Variants in PCDHGA3 observed in about 807,000 individuals in gnomAD.
PCDHGA3 encodes protocadherin gamma-A3.
A neutral mutation model predicts 58.5 loss-of-function variants in PCDHGA3; 40 were observed. The ratio of observed to expected loss-of-function variants is 0.68; its 90% CI spans 0.53 to 0.89. PCDHGA3 has a LOEUF of 0.89. PCDHGA3 is among the 40% of genes least tolerant of loss of function. The probability of loss-of-function intolerance (pLI) is 0.00; values close to 1 mark genes in which losing one functional copy is unlikely to be tolerated. For missense variants in PCDHGA3, 1,223 were observed against 1,195.9 expected (o/e 1.02, Z -0.33); for synonymous variants, 530 against 525.7 (o/e 1.01, Z -0.11).
At chr5:141,370,696 C>T in intron 1 of PCDHGA3, 2 of 1,613,694 alleles carry the variant, frequency 1.2e-6, no homozygotes, top group Non-Finnish European at 1.7e-6. Context: ...AAGAAGTCGA[C>T]GTGTGTTCTG....
In PCDHGA3 at chr5:141,407,982, G is replaced by C. The variant is rs976187867; in HGVS notation, c.2424+61525G>C. On this transcript the variant is annotated intron_variant, in intron 1 of 3. Coordinates refer to ENST00000253812, the MANE Select transcript of PCDHGA3 (RefSeq NM_018916.4). Reference sequence around the variant, plus strand: ...GAGCAAGCGCTGACGCCGGGGATCCGTCAGCCTCTGGCCTGGGATTCCCTG... The same window carrying C: ...GAGCAAGCGCTGACGCCGGGGATCCCTCAGCCTCTGGCCTGGGATTCCCTG... 1.5e-4 allele frequency: 114 copies of C among 783,006 alleles called. 1 individual carries two copies. Among genetic ancestry groups the C allele is most frequent in the African/African-American group, 9.1e-4 (52 of 57,436 alleles). The allele number at this position is 783,006 out of a possible 1,614,324, so 48.5% of individuals were successfully genotyped here.
At position 141,366,840 on chromosome 5, in the gene PCDHGA3, T is replaced by C. The variant is rs1006582691; in HGVS notation, c.2424+20383T>C. Reference sequence around the variant, plus strand: ...TGTCATATTCAGAATCAGCTAGTTATGTAAATAGTGGAACATTATTTGCTG... The same window carrying C: ...TGTCATATTCAGAATCAGCTAGTTACGTAAATAGTGGAACATTATTTGCTG... On this transcript the variant is annotated intron_variant, in intron 1 of 3. Coordinates refer to ENST00000253812, the MANE Select transcript of PCDHGA3 (RefSeq NM_018916.4). The C allele has an allele frequency of 1.2e-5, 18 of 1,493,738 alleles. No homozygotes were observed. The East Asian group carries it at 1.4e-4, about 11-fold the overall frequency. 92.5% of individuals were successfully genotyped at this position (1,493,738 alleles called of 1,614,324 possible). A position where few individuals can be genotyped will look rare whatever the true frequency, so the allele number is the denominator to read the frequency against.
chr5:141,393,874 G>C, intron 1 of PCDHGA3: 1 of 1,613,944 alleles, frequency 6.2e-7, no homozygotes. Context: ...TCTTTGTTTA[G>C]CCCAGTGTTA....
rs1236013576 is a variant in PCDHGA3 at position 141,375,392 on chromosome 5, A to G, written c.2424+28935A>G. On this transcript the variant is annotated intron_variant, in intron 1 of 3. Transcript: ENST00000253812. ...AACACCACCTCTGTCTACAGAAACA[A>G]TCATCTCTCTAAATGTGGCAGACAC... 33 of 1,613,850 alleles carry G rather than the reference A, an allele frequency of 2.0e-5. 1 individual carries two copies. Among genetic ancestry groups the G allele is most frequent in the African/African-American group, 4.0e-5 (3 of 74,932 alleles).
rs766865642 is a variant in PCDHGA3, at chr5:141,400,084, A to G, written c.2424+53627A>G. 34 of 1,613,852 alleles carry G rather than the reference A, an allele frequency of 2.1e-5. No homozygotes were observed. The highest frequency in any genetic ancestry group is 2.0e-4 in the Admixed American group (12 of 60,006). On this transcript the variant is annotated intron_variant, in intron 1 of 3. Transcript: ENST00000253812. The stretch of plus-strand genomic sequence containing the variant: ...TGGTGGACAGCCGCCACTCTCCGCC[A>G]CCGCCACGCTGCACTTGGTCTTTGC...
At chr5:141,414,400 G>C (rs768269499) in intron 1 of PCDHGA3, 1 of 1,613,878 alleles carries the variant, frequency 6.2e-7, no homozygotes, top group Admixed American at 1.7e-5. Context: ...TTACAGATTG[G>C]TGATACACAG....
At chr5:141,375,623 C>G in intron 1 of PCDHGA3, 5 of 1,614,244 alleles carry the variant, frequency 3.1e-6, no homozygotes, top group Non-Finnish European at 3.4e-6. Flanking sequence ...CACTGGGATT[C>G]TGTACGCCCT....
rs376892761 is a variant in PCDHGA3, at chr5:141,375,904, C to T, written c.2424+29447C>T. On this transcript the variant is annotated intron_variant, in intron 1 of 3. Transcript: ENST00000253812. ...GCCAGAACGCCTGGCTGTCCTACCG[C>T]CTGCTCAAGGCCAGCGAGCCAGGAC... The T allele has an allele frequency of 2.5e-5, 41 of 1,613,756 alleles. No homozygotes were observed. In the South Asian group the frequency reaches 2.6e-4, roughly 10 times the overall value.
intron 1 of PCDHGA3, chr5:141,365,799 C>A: frequency 1.2e-6 from 2 of 1,613,942 alleles, no homozygotes; most frequent in South Asian, 1.1e-5. Context: ...GTCACCTACT[C>A]CCTGGCTGAA....
At chr5:141,500,929 C>T (rs1347340945) in intron 2 of PCDHGA3, among the ~76,000 whole-genome samples, 2 of 151,210 alleles carry the variant, frequency 1.3e-5, no homozygotes, top group South Asian at 2.1e-4. Flanking sequence ...GGTGCAGTGG[C>T]GCCATCTCGG....
rs770468191 is a variant in PCDHGA3, at chr5:141,478,296, A to G, written c.2425-16511A>G. On this transcript the variant is annotated intron_variant, in intron 1 of 3. Coordinates refer to ENST00000253812, the MANE Select transcript of PCDHGA3 (RefSeq NM_018916.4). ...AAGTGGAAGCAGTCTAGAGACCTAT[A>G]CCGAGCCCCGGTGAGCTCACTGTAC... is the stretch of plus-strand genomic sequence containing the variant. The G allele has an allele frequency of 9.3e-6, 15 of 1,613,962 alleles. No individual in the cohort carries two copies. Among genetic ancestry groups the G allele is most frequent in the African/African-American group, 6.7e-5 (5 of 74,930 alleles).
chr5:141,486,405 G>A lies in PCDHGA3; in HGVS notation c.2425-8402G>A. 6.2e-7 allele frequency: 1 copy of A among 1,614,114 alleles called. No homozygotes were observed. The highest frequency in any genetic ancestry group is 2.2e-5 in the East Asian group (1 of 44,862). On this transcript the variant is annotated intron_variant, in intron 1 of 3. Transcript: ENST00000253812. The surrounding 1 kb of genome is among the most constrained non-coding windows in gnomAD (Gnocchi z 5.0). ...AACCAGTTCTCCCTGGTGACTGCTG[G>A]ACCCTTGGATCGAGAGGCCAAATCT...
At chr5:141,362,532 T>C in intron 1 of PCDHGA3, 1 of 1,613,846 alleles carries the variant, frequency 6.2e-7, no homozygotes, top group Non-Finnish European at 8.5e-7. Flanking sequence ...CTGGGGTCCC[T>C]TTTGCCTCAG....
In PCDHGA3 at chr5:141,414,653, A is replaced by G. The variant is rs2095771118; in HGVS notation, c.2424+68196A>G. ...AGCAAAGAGAATGCCCAGATTATTT[A>G]CTCCCTGGCTGAAGACACCATCCAG... On this transcript the variant is annotated intron_variant, in intron 1 of 3. Coordinates refer to ENST00000253812, the MANE Select transcript of PCDHGA3 (RefSeq NM_018916.4). 6.2e-7 allele frequency: 1 copy of G among 1,613,644 alleles called. No homozygotes were observed.
intron 1 of PCDHGA3, chr5:141,356,815 G>C: frequency 6.2e-7 from 1 of 1,614,066 alleles, no homozygotes; most frequent in Non-Finnish European, 8.5e-7. Flanking sequence ...TGACAGTGGA[G>C]ACCCTCCACT....
At chr5:141,501,837 G>C (rs2099811299) in intron 2 of PCDHGA3, among the ~76,000 whole-genome samples, 1 of 152,018 alleles carries the variant, frequency 6.6e-6, no homozygotes, top group Admixed American at 6.5e-5. Flanking sequence ...CCACCTGTTT[G>C]GCCCTCAACC....
At chr5:141,445,109 T>C (rs571834974) in intron 1 of PCDHGA3, among the ~76,000 whole-genome samples, 23 of 152,246 alleles carry the variant, frequency 1.5e-4, no homozygotes, top group Non-Finnish European at 2.8e-4. Flanking sequence ...TCTAATGTTA[T>C]TGTAAATAGT....
Position 141,414,697 on chromosome 5 carries a change from T to A in PCDHGA3, c.2424+68240T>A, listed in dbSNP as rs748722995. The A allele has an allele frequency of 9.3e-6, 15 of 1,614,036 alleles. No homozygotes were observed. Among genetic ancestry groups the A allele is most frequent in the Non-Finnish European group, 1.3e-5 (15 of 1,179,930 alleles). ...CATCCAGGGGGTACCTCTGTCCTCA[T>A]ACATATCCATCAACTCAGACACTGG... is the stretch of plus-strand genomic sequence containing the variant. On this transcript the variant is annotated intron_variant, in intron 1 of 3. Transcript: ENST00000253812.
chr5:141,447,481 A>G lies in PCDHGA3; in HGVS notation c.2425-47326A>G, dbSNP rs141192758. 3.9e-3 allele frequency among the ~76,000 whole-genome samples: 591 copies of G among 152,326 alleles called. 6 individuals carry two copies. The highest frequency in any genetic ancestry group is 0.011 in the Admixed American group (170 of 15,286). ...TTTTCTTCACCATCTGTAAAACTGC[A>G]TAGAAGGAATGTTTAGGATAAAAGA... On this transcript the variant is annotated intron_variant, in intron 1 of 3. Transcript: ENST00000253812.
Sources: gnomAD v4.1 joint callset for allele counts (sites outside exome capture counted in the v4.1 genomes callset) on GRCh38, gnomAD v4.1.1 for gene constraint, Gnocchi (gnomAD v3.1) non-coding constraint, MANE v1.5 for transcripts, NCBI Gene and HGNC (gene_info 2026-07-23, HGNC 2026-07-21) for gene names.